Variants in ATRNL1 observed in about 807,000 individuals in gnomAD.
The protein encoded by ATRNL1 is attractin-like protein 1.
Under a neutral mutation model 182.7 loss-of-function variants are expected in ATRNL1, and 95 were observed. The ratio of observed to expected loss-of-function variants is 0.52; its 90% CI spans 0.44 to 0.62. The LOEUF (loss-of-function observed/expected upper bound fraction) is 0.62, where lower values mean the gene tolerates loss of function less well. ATRNL1 is among the 20% of genes least tolerant of loss of function. The pLI is 0.00. For synonymous variants in ATRNL1, 576 were observed against 568.3 expected (o/e 1.01, Z -0.19); for missense variants, 1,471 against 1,679.5 (o/e 0.88, Z 2.17).
At chr10:115,712,897 T>G (rs1947106556) in intron 26 of ATRNL1, among the ~76,000 whole-genome samples, 1 of 151,840 alleles carries the variant, frequency 6.6e-6, no homozygotes, top group African/African-American at 2.4e-5. Flanking sequence ...AAATTAGAAA[T>G]TTTTAATCAT....
intron 8 of ATRNL1, among the ~76,000 whole-genome samples, chr10:115,209,665 C>A (rs1436780359): frequency 6.6e-6 from 1 of 151,442 alleles, no homozygotes; most frequent in Non-Finnish European, 1.5e-5. Flanking sequence ...ATAAAGCACA[C>A]TACCAAATTG....
chr10:115,316,764 A>T (rs1554929849), intron 18 of ATRNL1, among the ~76,000 whole-genome samples: 2 of 151,572 alleles, frequency 1.3e-5, no homozygotes, highest in Non-Finnish European at 2.9e-5. Flanking sequence ...GGAGTTGTTC[A>T]TTTTTTTCTT....
At chr10:115,180,615 T>G (rs544133553) in intron 8 of ATRNL1, among the ~76,000 whole-genome samples, 325 of 152,020 alleles carry the variant, frequency 2.1e-3, no homozygotes, top group Non-Finnish European at 3.9e-3. Flanking sequence ...ATGAAATATC[T>G]TACAAGGGCA....
chr10:115,784,125 T>C (rs1001714090), intron 27 of ATRNL1, among the ~76,000 whole-genome samples: 11 of 152,352 alleles, frequency 7.2e-5, no homozygotes, highest in African/African-American at 2.2e-4. Flanking sequence ...TCTCTGAATG[T>C]CAGTTTTCTT....
chr10:115,782,919 G>C (rs1949301947), intron 27 of ATRNL1, among the ~76,000 whole-genome samples: 1 of 152,184 alleles, frequency 6.6e-6, no homozygotes, highest in Admixed American at 6.5e-5. Flanking sequence ...GTGTTGTCAT[G>C]TTAACTGATC....
intron 27 of ATRNL1, among the ~76,000 whole-genome samples, chr10:115,835,534 C>A (rs1352160627): frequency 6.6e-6 from 1 of 152,108 alleles, no homozygotes; most frequent in Non-Finnish European, 1.5e-5. Context: ...TTGGGAAAGG[C>A]AATAATATAG....
At chr10:115,583,308 T>A in intron 26 of ATRNL1, among the ~76,000 whole-genome samples, 1 of 110,734 alleles carries the variant, frequency 9.0e-6, no homozygotes, top group South Asian at 3.9e-4. Context: ...TTGATGGGGA[T>A]GGCATTGAAT....
chr10:115,764,465 G>A (rs1453771289), intron 27 of ATRNL1, among the ~76,000 whole-genome samples: 5 of 152,070 alleles, frequency 3.3e-5, no homozygotes, highest in South Asian at 2.1e-4. Flanking sequence ...CTGCCTATGC[G>A]TCCCCACACC....
At position 115,378,369 on chromosome 10, in the gene ATRNL1, C is replaced by A. The variant is rs572479278; in HGVS notation, c.3176-16290C>A. On this transcript the variant is annotated intron_variant, in intron 19 of 28. Transcript: ENST00000355044. ...AGTCAAGATGAGCCAGGCCCAAGATCCAGGGCCATTTCAGGTTCTACTGTG... is the reference window on the plus strand; with the variant it reads ...AGTCAAGATGAGCCAGGCCCAAGATACAGGGCCATTTCAGGTTCTACTGTG... Among the ~76,000 whole-genome samples, 22 of 152,260 alleles carry A rather than the reference C, an allele frequency of 1.4e-4. No homozygotes were observed. The South Asian group carries it at 4.3e-3, about 30-fold the overall frequency.
chr10:115,130,051 A>C (rs1213580748), intron 5 of ATRNL1, among the ~76,000 whole-genome samples: 1 of 152,204 alleles, frequency 6.6e-6, no homozygotes, highest in African/African-American at 2.4e-5. Flanking sequence ...TACCTAGGAA[A>C]GAATTTCTAA....
At chr10:115,392,818 A>G (rs688218) in intron 19 of ATRNL1, among the ~76,000 whole-genome samples, 59,168 of 152,038 alleles carry the variant, frequency 0.39, 12,669 homozygotes, top group African/African-American at 0.57. Context: ...GTCCTCCAGC[A>G]CTTCCAGGCA....
chr10:115,584,660 C>G (rs1220997688), intron 26 of ATRNL1, among the ~76,000 whole-genome samples: 1 of 151,172 alleles, frequency 6.6e-6, no homozygotes, highest in Admixed American at 6.6e-5. Flanking sequence ...ATTAGTCTTG[C>G]TAGCTGTCTA....
intron 27 of ATRNL1, among the ~76,000 whole-genome samples, chr10:115,769,321 T>G (rs1948931250): frequency 6.6e-6 from 1 of 152,136 alleles, no homozygotes; most frequent in African/African-American, 2.4e-5. Flanking sequence ...ATAGTGCACA[T>G]TTTCATTTCC....
chr10:115,808,517 G>C (rs1034149756), intron 27 of ATRNL1, among the ~76,000 whole-genome samples: 4 of 152,122 alleles, frequency 2.6e-5, no homozygotes, highest in African/African-American at 9.7e-5. Context: ...GTAGACACAT[G>C]ATTTCATTTC....
At chr10:115,861,994 G>T (rs1555103574) in intron 28 of ATRNL1, among the ~76,000 whole-genome samples, 2 of 152,074 alleles carry the variant, frequency 1.3e-5, no homozygotes, top group African/African-American at 4.8e-5. Flanking sequence ...TATTCTCAGT[G>T]CTTTAAGCAG....
chr10:115,423,487 C>A (rs1249933617), intron 20 of ATRNL1, among the ~76,000 whole-genome samples: 1 of 152,118 alleles, frequency 6.6e-6, no homozygotes, highest in Non-Finnish European at 1.5e-5. Context: ...GAGATTGCAC[C>A]ACTGTATTCC....
chr10:115,471,606 C>G (rs1848316663), intron 24 of ATRNL1, among the ~76,000 whole-genome samples: 1 of 151,100 alleles, frequency 6.6e-6, no homozygotes. Flanking sequence ...CAATGCTGAG[C>G]ACCATTTCAT....
intron 23 of ATRNL1, among the ~76,000 whole-genome samples, chr10:115,468,683 A>C (rs1020558310): frequency 6.6e-6 from 1 of 150,814 alleles, no homozygotes; most frequent in African/African-American, 2.4e-5. Flanking sequence ...AGACAAATAA[A>C]TTGATTTTTT....
intron 27 of ATRNL1, among the ~76,000 whole-genome samples, chr10:115,728,074 G>A (rs1388332838): frequency 1.5e-5 from 2 of 136,662 alleles, no homozygotes; most frequent in East Asian, 2.2e-4. Flanking sequence ...AGGAGATCGC[G>A]ACCATCCTGG....
Sources: allele counts gnomAD v4.1 joint callset (sites outside exome capture counted in the v4.1 genomes callset), GRCh38; gene constraint gnomAD v4.1.1; transcripts MANE v1.5; gene names NCBI Gene and HGNC (gene_info 2026-07-23, HGNC 2026-07-21).